The following MAP1LC3A variants were observed in gnomAD, a reference collection of about 807,000 sequenced individuals.
MAP1LC3A encodes microtubule associated protein 1 light chain 3 alpha.
In MAP1LC3A, 10 loss-of-function variants were observed where a neutral mutation model predicts 15.2. That is an observed-to-expected ratio of 0.66 (90% CI 0.41 to 1.12). The LOEUF is 1.12. Among genes scored for constraint, MAP1LC3A ranks in the 50% most tolerant of loss-of-function variants. The pLI, the probability that MAP1LC3A is intolerant of heterozygous loss-of-function variation, is 0.00. For missense variants in MAP1LC3A, 138 were observed against 167.3 expected (o/e 0.82, Z 0.97); for synonymous variants, 63 against 64.3 (o/e 0.98, Z 0.10).
rs1982285480 is a variant in MAP1LC3A, at chr20:34,558,958, AC to A, written c.40+54del. On this transcript the variant is annotated intron_variant, in intron 1 of 3. Coordinates refer to ENST00000360668, the MANE Select transcript of MAP1LC3A (RefSeq NM_032514.4). This position sits in a 1 kb window ranked among gnomAD's most constrained non-coding sequence, Gnocchi z 4.3. Reference sequence around the variant, plus strand: ...AGCTCTGGGGCAGGGGTGCCGGCCGACCCCGACTGCCGCAGGTGACGTCAGC... The same window carrying A: ...AGCTCTGGGGCAGGGGTGCCGGCCGACCCGACTGCCGCAGGTGACGTCAGC... 7.4e-7 allele frequency: 1 copy of A among 1,346,156 alleles called. No individual in the cohort carries two copies. Among genetic ancestry groups the A allele is most frequent in the Non-Finnish European group, 9.5e-7 (1 of 1,054,010 alleles). 83.4% of individuals were successfully genotyped at this position (1,346,156 alleles called of 1,614,324 possible). A position where few individuals can be genotyped will look rare whatever the true frequency, so the allele number is the denominator to read the frequency against.
rs559696469 is a variant in MAP1LC3A at position 34,550,468 on chromosome 20, C to G, written c.52+439C>G. ...TACTGAGCACCCACCATGTGCCACA[C>G]TCTAAGTCCTGGGGTGTAGCAGGAA... On this transcript the variant is annotated intron_variant, in intron 2 of 4. Transcript: ENST00000374837. Among the ~76,000 whole-genome samples, 6 of 152,332 alleles carry G rather than the reference C, an allele frequency of 3.9e-5. No homozygotes were observed. The South Asian group carries it at 1.2e-3, about 32-fold the overall frequency.
chr20:34,556,798 G>A (rs1259178901), upstream of MAP1LC3A, among the ~76,000 whole-genome samples: 2 of 152,108 alleles, frequency 1.3e-5, no homozygotes, highest in Non-Finnish European at 2.9e-5. Context: ...ACAGAGTTTT[G>A]CCATGTTGGC....
At chr20:34,552,449 C>T (rs572652226) in intron 2 of MAP1LC3A, among the ~76,000 whole-genome samples, 2 of 152,334 alleles carry the variant, frequency 1.3e-5, no homozygotes, top group South Asian at 2.1e-4. Context: ...AACCAAAACT[C>T]GAGGTGAGGG....
rs765401558 is a variant in MAP1LC3A, at chr20:34,559,329, C to T, written c.97-18C>T. The T allele has an allele frequency of 3.8e-6, 6 of 1,591,614 alleles. No homozygotes were observed. Among genetic ancestry groups the T allele is most frequent in the Middle Eastern group, 2.0e-4 (1 of 4,926 alleles). On this transcript the variant is annotated intron_variant, in intron 2 of 3. Transcript: ENST00000360668. ...CGCGTTCCCGACACGACCCCCTGCC[C>T]GCCCGCCCTGCTCCCAGGTGATCAT...
At chr20:34,548,914 C>T (rs1981843089) in intron 1 of MAP1LC3A, among the ~76,000 whole-genome samples, 1 of 152,166 alleles carries the variant, frequency 6.6e-6, no homozygotes, top group Non-Finnish European at 1.5e-5. Flanking sequence ...CCATGTTGGC[C>T]AAGCTGGTCT....
In MAP1LC3A at chr20:34,559,967, G is replaced by A; in HGVS notation, c.*69G>A. ...TCAGGCCCTGCCCAGAGAGCTCCTG[G>A]TTCCTGAACTGAGCTGCCTCTACCG... On this transcript the variant is annotated 3_prime_UTR_variant, in exon 4 of 4. Coordinates refer to ENST00000360668, the MANE Select transcript of MAP1LC3A (RefSeq NM_032514.4). 6.6e-7 allele frequency: 1 copy of A among 1,514,534 alleles called. No individual in the cohort carries two copies. The highest frequency in any genetic ancestry group is 8.9e-7 in the Non-Finnish European group (1 of 1,124,302). The allele number at this position is 1,514,534 out of a possible 1,614,324, so 93.8% of individuals were successfully genotyped here. A position where few individuals can be genotyped will look rare whatever the true frequency, so the allele number is the denominator to read the frequency against.
chr20:34,559,510 C>T, intron 3 of MAP1LC3A, 57 bp downstream of exon 3: 4 of 1,501,448 alleles, frequency 2.7e-6, no homozygotes, highest in South Asian at 1.2e-5. Context: ...GCCGGGTTCC[C>T]GCCGAGAAGG....
chr20:34,552,238 T>A (rs547488434), intron 2 of MAP1LC3A, among the ~76,000 whole-genome samples: 5 of 152,322 alleles, frequency 3.3e-5, no homozygotes, highest in African/African-American at 1.2e-4. Context: ...CCTCAGGTGA[T>A]CCACCTGCCT....
At chr20:34,550,043 G>A (rs758922860) in intron 2 of MAP1LC3A, 29 of 1,613,002 alleles carry the variant, frequency 1.8e-5, no homozygotes, top group East Asian at 4.5e-5. Flanking sequence ...TGTCTGGCCC[G>A]CCTGCCGTTG....
At chr20:34,557,820 G>A (rs561392356), upstream of MAP1LC3A, among the ~76,000 whole-genome samples, 28 of 152,220 alleles carry the variant, frequency 1.8e-4, no homozygotes, top group Non-Finnish European at 4.0e-4. Context: ...AGCTACTGAG[G>A]AGGCTGACTG....
At chr20:34,555,019 G>C (rs6058078), upstream of MAP1LC3A, among the ~76,000 whole-genome samples, 66,108 of 151,264 alleles carry the variant, frequency 0.44, 14,957 homozygotes, top group Non-Finnish European at 0.5. Context: ...ATTTTTTGTT[G>C]TTGTTGTTTT....
In MAP1LC3A at chr20:34,559,429, TGAGC is replaced by T; in HGVS notation, c.183_186del (p.Glu62TrpfsTer11). ...TTTTTGGTCCCGGACCATGTCAACA[TGAGC>T]GAGTTGGTCAAGATCATCCGGTGCG... is the stretch of plus-strand genomic sequence containing the variant. On this transcript the variant is annotated frameshift_variant, in exon 3 of 4. Transcript: ENST00000360668. LOFTEE classifies it high-confidence loss of function. 6.2e-7 allele frequency: 1 copy of T among 1,603,300 alleles called. No individual in the cohort carries two copies. Among genetic ancestry groups the T allele is most frequent in the Non-Finnish European group, 8.5e-7 (1 of 1,174,126 alleles).
chr20:34,559,769 C>G lies in MAP1LC3A; in HGVS notation c.237C>G (p.Phe79Leu). 1 of 1,612,436 alleles carries G rather than the reference C, an allele frequency of 6.2e-7. No individual in the cohort carries two copies. The highest frequency in any genetic ancestry group is 8.5e-7 in the Non-Finnish European group (1 of 1,179,580). Residue 79 changes from phenylalanine to leucine, a missense_variant, in exon 4 of 4, where the codon TTC (phenylalanine) becomes TTG (leucine). Physicochemically the swap from Phe to Leu is conservative, Grantham distance 22 (BLOSUM62 0). Transcript: ENST00000360668. ...TGCAGCTGAACCCCACGCAGGCCTT[C>G]TTCCTGCTGGTGAACCAGCACAGCA... ...RRLQLNPTQA[F>L]FLLVNQHSMV...
upstream of MAP1LC3A, chr20:34,558,222 G>C (rs1982232123): frequency 2.0e-6 from 2 of 979,508 alleles, no homozygotes; most frequent in Non-Finnish European, 2.4e-6. This position sits in a 1 kb window ranked among gnomAD's most constrained non-coding sequence, Gnocchi z 4.3. Context: ...CCTGAATTTC[G>C]ATGGCTCTAC....
rs1343570478 is a variant in MAP1LC3A at position 34,559,045 on chromosome 20, G to A, written c.40+137G>A. ...GGGACCAGCTCCGGCCTGGGCGGGG[G>A]CTGCCCGCTTCCCCACCGCGATAGG... is the stretch of plus-strand genomic sequence containing the variant. On this transcript the variant is annotated intron_variant, in intron 1 of 3. Coordinates refer to ENST00000360668, the MANE Select transcript of MAP1LC3A (RefSeq NM_032514.4). 3.8e-6 allele frequency: 5 copies of A among 1,330,590 alleles called. No homozygotes were observed. In the Admixed American group the frequency reaches 1.6e-4, roughly 43 times the overall value. The allele number at this position is 1,330,590 out of a possible 1,614,324, so 82.4% of individuals were successfully genotyped here.
upstream of MAP1LC3A, among the ~76,000 whole-genome samples, chr20:34,554,722 G>A (rs1355043546): frequency 6.6e-6 from 1 of 151,700 alleles, no homozygotes; most frequent in Admixed American, 6.6e-5. Context: ...AGGCTGGAGT[G>A]TAGTGACACA....
intron 2 of MAP1LC3A, among the ~76,000 whole-genome samples, chr20:34,553,277 C>T (rs1318657958): frequency 6.6e-6 from 1 of 152,102 alleles, no homozygotes; most frequent in East Asian, 1.9e-4. Flanking sequence ...AGGGGAAGAT[C>T]ATGGGTTTGT....
chr20:34,559,754 C>A lies in MAP1LC3A; in HGVS notation c.222C>A (p.Asn74Lys). The A allele has an allele frequency of 1.9e-6, 3 of 1,607,138 alleles. No homozygotes were observed. Among genetic ancestry groups the A allele is most frequent in the Non-Finnish European group, 2.5e-6 (3 of 1,177,680 alleles). The change falls in exon 4 of 4, where the codon AAC (asparagine) becomes AAA (lysine). Residue 74 changes from asparagine to lysine, a missense_variant. Coordinates refer to ENST00000360668, the MANE Select transcript of MAP1LC3A (RefSeq NM_032514.4). ...VKIIRRRLQLNPTQAFFLLVN... is the reference protein window; with the variant it reads ...VKIIRRRLQLKPTQAFFLLVN... ...GCTGCAGGCGCCGCCTGCAGCTGAA[C>A]CCCACGCAGGCCTTCTTCCTGCTGG...
At chr20:34,558,312 C>G, upstream of MAP1LC3A, 1 of 986,252 alleles carries the variant, frequency 1.0e-6, no homozygotes, top group Non-Finnish European at 1.2e-6. This position sits in a 1 kb window ranked among gnomAD's most constrained non-coding sequence, Gnocchi z 4.3. Context: ...ACTGTGCCTC[C>G]CGCACCTTCT....
Sources: allele counts gnomAD v4.1 joint callset (sites outside exome capture counted in the v4.1 genomes callset), GRCh38; gene constraint gnomAD v4.1.1; non-coding constraint Gnocchi (gnomAD v3.1); transcripts MANE v1.5; gene names NCBI Gene and HGNC (gene_info 2026-07-23, HGNC 2026-07-21).